The following CRHR1 variants were observed in gnomAD, a reference collection of about 807,000 sequenced individuals.
The protein encoded by CRHR1 is corticotropin-releasing hormone receptor 1.
In CRHR1, 28 loss-of-function variants were observed where a neutral mutation model predicts 56.0. The observed-to-expected ratio is 0.50, with a 90% CI of 0.37 to 0.69. The LOEUF (loss-of-function observed/expected upper bound fraction) is 0.69, where lower values mean the gene tolerates loss of function less well. CRHR1 is among the 30% of genes least tolerant of loss of function. CRHR1 has a pLI of 0.00. For synonymous variants in CRHR1, 195 were observed against 216.5 expected, an observed-to-expected ratio of 0.90 and a Z score of 0.87; for missense variants, 376 against 548.0, an observed-to-expected ratio of 0.69 and a Z score of 3.13.
At position 45,821,039 on chromosome 17, in the gene CRHR1, C is replaced by T. The variant is rs867325943; in HGVS notation, c.242-316C>T. On this transcript the variant is annotated intron_variant, in intron 3 of 12. Coordinates refer to ENST00000314537, the MANE Select transcript of CRHR1 (RefSeq NM_004382.5). ...AGCACCTACCTGTCATCTGCCACCACATAATGACTTGCAAAGGAACAGCCC... is the reference window on the plus strand; with the variant it reads ...AGCACCTACCTGTCATCTGCCACCATATAATGACTTGCAAAGGAACAGCCC... Among the ~76,000 whole-genome samples the T allele has an allele frequency of 1.3e-5, 2 of 152,266 alleles. 1 individual carries two copies. The highest frequency in any genetic ancestry group is 4.8e-5 in the African/African-American group (2 of 41,474).
Position 45,822,403 on chromosome 17 carries a change from C to T in CRHR1, c.327+963C>T, listed in dbSNP as rs184598939. Among the ~76,000 whole-genome samples, 21 of 152,362 alleles carry T rather than the reference C, an allele frequency of 1.4e-4. No individual in the cohort carries two copies. The East Asian group carries it at 2.3e-3, about 17-fold the overall frequency. ...CCACCCTGTCTCCTTTCCCACCCGA[C>T]GCTTTCTCCCTTGGTGCTGAGGAAG... On this transcript the variant is annotated intron_variant, in intron 4 of 12. Coordinates refer to ENST00000314537, the MANE Select transcript of CRHR1 (RefSeq NM_004382.5).
At chr17:45,786,792 C>A (rs967953049) in intron 1 of CRHR1, among the ~76,000 whole-genome samples, 1 of 152,042 alleles carries the variant, frequency 6.6e-6, no homozygotes, top group African/African-American at 2.4e-5. Context: ...AGGCATGCAC[C>A]ACCACACCCA....
chr17:45,795,181 AGACT>A (rs887859331), intron 1 of CRHR1, among the ~76,000 whole-genome samples: 2 of 152,128 alleles, frequency 1.3e-5, no homozygotes, highest in African/African-American at 2.4e-5. Flanking sequence ...AGGAGGTGGG[AGACT>A]GACTGATCCA....
chr17:45,787,678 G>C (rs955257692), intron 1 of CRHR1, among the ~76,000 whole-genome samples: 1 of 152,238 alleles, frequency 6.6e-6, no homozygotes, highest in African/African-American at 2.4e-5. Context: ...TACTCCCGAG[G>C]CTCTGCAGGA....
At chr17:45,822,708 G>T (rs2062068591) in intron 4 of CRHR1, among the ~76,000 whole-genome samples, 1 of 151,930 alleles carries the variant, frequency 6.6e-6, no homozygotes, top group Non-Finnish European at 1.5e-5. Context: ...AAATTAGCCG[G>T]GTGTGGCGGG....
intron 5 of CRHR1, chr17:45,829,718 G>A (rs2062250894): frequency 1.4e-6 from 2 of 1,432,798 alleles, no homozygotes; most frequent in Non-Finnish European, 1.9e-6. Flanking sequence ...TTGGGATCAG[G>A]AGCCGAGCAT....
chr17:45,807,174 A>T, intron 2 of CRHR1, 77 bp downstream of exon 2: 1 of 1,329,322 alleles, frequency 7.5e-7, no homozygotes, highest in Non-Finnish European at 1.1e-6. Context: ...CAGAGCCTGC[A>T]CACAGAACCA....
chr17:45,819,603 A>G (rs930834475), intron 3 of CRHR1, among the ~76,000 whole-genome samples: 8 of 152,174 alleles, frequency 5.3e-5, no homozygotes, highest in African/African-American at 1.9e-4. Flanking sequence ...TCAGACCTCC[A>G]TGAAAACCCA....
In CRHR1 at chr17:45,833,177, C is replaced by T; in HGVS notation, c.810C>T (p.Tyr270=). The T allele has an allele frequency of 1.2e-6, 2 of 1,614,154 alleles. No homozygotes were observed. The highest frequency in any genetic ancestry group is 2.2e-5 in the East Asian group (1 of 44,860). ...FGKRPGVYTD[Y]IYQGPMILVL... is the part of the protein sequence containing the mutation. ...AAAGGCCTGGGGTGTACACCGACTA[C>T]ATCTACCAGGGCCCCATGATCCTGG... The change falls in exon 9 of 13, where the codon TAC becomes TAT. Residue 270 remains tyrosine, a synonymous_variant. Transcript: ENST00000314537.
intron 1 of CRHR1, chr17:45,799,575 C>CCCCAGGA (rs1444100785): frequency 6.6e-6 from 1 of 152,282 alleles, no homozygotes; most frequent in Non-Finnish European, 1.5e-5. Flanking sequence ...GCCTGCAGGA[C>CCCCAGGA]CCCAGGACCC....
At position 45,833,147 on chromosome 17, in the gene CRHR1, TG is replaced by T. The variant is rs1415409947; in HGVS notation, c.782del (p.Gly261AlafsTer16). 2 of 1,613,920 alleles carry T rather than the reference TG, an allele frequency of 1.2e-6. No individual in the cohort carries two copies. The highest frequency in any genetic ancestry group is 3.3e-5 in the Admixed American group (2 of 60,008). ...LYYDNEKCWF[G>X]KRPGVYTDYI... ...CTCTGTGGCCTTCTAGGTGCTGGTT[TG>T]GCAAAAGGCCTGGGGTGTACACCGA... On this transcript the variant is annotated frameshift_variant, in exon 9 of 13. Coordinates refer to ENST00000314537, the MANE Select transcript of CRHR1 (RefSeq NM_004382.5). LOFTEE classifies it high-confidence loss of function.
At position 45,833,694 on chromosome 17, in the gene CRHR1, C is replaced by CGGGCG; in HGVS notation, c.930-20_930-19insGGGCG. 1 of 581,964 alleles carries CGGGCG rather than the reference C, an allele frequency of 1.7e-6. No individual in the cohort carries two copies. Among genetic ancestry groups the CGGGCG allele is most frequent in the Non-Finnish European group, 3.2e-6 (1 of 313,456 alleles). 36.1% of individuals were successfully genotyped at this position (581,964 alleles called of 1,614,324 possible). A position where few individuals can be genotyped will look rare whatever the true frequency, so the allele number is the denominator to read the frequency against. On this transcript the variant is annotated intron_variant, in intron 10 of 12. Transcript: ENST00000314537. ...TGGGGTGGGCTGTGACTCCGAGCCTCCCCACCCGCCCCACCCCAGGAAGGC... is the reference window on the plus strand; with the variant it reads ...TGGGGTGGGCTGTGACTCCGAGCCTCGGGCGCCCACCCGCCCCACCCCAGGAAGGC...
chr17:45,828,750 G>A (rs2062223334), intron 4 of CRHR1, among the ~76,000 whole-genome samples: 1 of 152,260 alleles, frequency 6.6e-6, no homozygotes, highest in Non-Finnish European at 1.5e-5. Context: ...ATTGCAGCAG[G>A]AGGGATTTAG....
At chr17:45,830,729 G>A (rs373392642) in intron 7 of CRHR1, 151 bp from the exon 8 acceptor site, 17 of 1,170,724 alleles carry the variant, frequency 1.5e-5, no homozygotes, top group African/African-American at 1.1e-4. Context: ...GGGGGTGGGC[G>A]GCAGTAGAAG....
At chr17:45,786,841 A>T (rs1378209734) in intron 1 of CRHR1, among the ~76,000 whole-genome samples, 1 of 151,972 alleles carries the variant, frequency 6.6e-6, no homozygotes, top group Non-Finnish European at 1.5e-5. Context: ...GGGTTTCCCC[A>T]TATTGCCCTG....
chr17:45,823,908 C>A (rs1369171373), intron 4 of CRHR1, among the ~76,000 whole-genome samples: 5 of 152,258 alleles, frequency 3.3e-5, no homozygotes. Context: ...GGGCGAGGGG[C>A]TGCCTGGCAT....
rs28364030 is a variant in CRHR1, at chr17:45,830,848, G to A, written c.710-32G>A. The A allele has an allele frequency of 5.9e-4, 953 of 1,609,080 alleles. 6 individuals are homozygous for A. In the African/African-American group the frequency reaches 0.011, roughly 19 times the overall value. On this transcript the variant is annotated intron_variant, in intron 7 of 12. Transcript: ENST00000314537. ...AGGCCCACATCCTCCAGCCCCCGCT[G>A]AGGGCTCTGTGACAGCCCATCTCTC...
At chr17:45,812,654 C>T (rs1568049258) in intron 2 of CRHR1, among the ~76,000 whole-genome samples, 1 of 152,172 alleles carries the variant, frequency 6.6e-6, no homozygotes, top group Non-Finnish European at 1.5e-5. Flanking sequence ...GGGATGGACA[C>T]CCTCTCTGTC....
intron 1 of CRHR1, among the ~76,000 whole-genome samples, chr17:45,803,779 T>TGTGC (rs1371508322): frequency 2.6e-5 from 4 of 151,844 alleles, no homozygotes; most frequent in African/African-American, 7.3e-5. Flanking sequence ...TGTGTGTGCG[T>TGTGC]GCGCGTGCGC....
Sources: gnomAD v4.1 joint callset for allele counts (sites outside exome capture counted in the v4.1 genomes callset) on GRCh38, gnomAD v4.1.1 for gene constraint, MANE v1.5 for transcripts, NCBI Gene and HGNC (gene_info 2026-07-23, HGNC 2026-07-21) for gene names.